The following ADGRG1 variants were observed in gnomAD, a reference collection of about 807,000 sequenced individuals.
ADGRG1 encodes 7-transmembrane protein with no EGF-like N-terminal domains-1.
In ADGRG1, 53 loss-of-function variants were observed where a neutral mutation model predicts 73.5. That is an observed-to-expected ratio of 0.72 (90% CI 0.58 to 0.91). The LOEUF is 0.91. ADGRG1 is among the 40% of genes least tolerant of loss of function. The probability of loss-of-function intolerance (pLI) is 0.00; values close to 1 mark genes in which losing one functional copy is unlikely to be tolerated. For synonymous variants in ADGRG1, 394 were observed against 374.4 expected, an observed-to-expected ratio of 1.05 and a Z score of -0.60; for missense variants, 795 against 871.8, an observed-to-expected ratio of 0.91 and a Z score of 1.11.
At chr16:57,626,946 G>A (rs1399171242), upstream of ADGRG1, 21 of 985,474 alleles carry the variant, frequency 2.1e-5, no homozygotes, top group African/African-American at 3.7e-4. Context: ...TTGGCAATAA[G>A]GGAGTTCCCA....
upstream of ADGRG1, chr16:57,624,190 C>T (rs2147014720): frequency 1.0e-6 from 1 of 983,238 alleles, no homozygotes; most frequent in Non-Finnish European, 1.2e-6. Context: ...ATATGAACTG[C>T]TCTTGTCTAA....
At chr16:57,655,761 A>G in intron 6 of ADGRG1, 115 bp from the exon 7 acceptor site, 1 of 1,610,006 alleles carries the variant, frequency 6.2e-7, no homozygotes, top group Non-Finnish European at 8.5e-7. Flanking sequence ...GAGACGCAGC[A>G]TCTCAAGGCA....
At position 57,642,527 on chromosome 16, in the gene ADGRG1, C is replaced by T. The variant is rs561698247; in HGVS notation, c.-35-7726C>T. 2.1e-5 allele frequency: 21 copies of T among 979,458 alleles called. No homozygotes were observed. The South Asian group carries it at 9.0e-4, about 42-fold the overall frequency. The allele number at this position is 979,458 out of a possible 1,614,324, so 60.7% of individuals were successfully genotyped here. Reference sequence around the variant, plus strand: ...GGTGTCCGTGCAAAAAAGGCTCTACCTTCACGTTGGGTTGGGAAACTGCCC... The same window carrying T: ...GGTGTCCGTGCAAAAAAGGCTCTACTTTCACGTTGGGTTGGGAAACTGCCC... On this transcript the variant is annotated intron_variant, in intron 1 of 13. Coordinates refer to ENST00000562631, the MANE Select transcript of ADGRG1 (RefSeq NM_201525.4).
chr16:57,647,480 T>C, intron 1 of ADGRG1: 1 of 969,448 alleles, frequency 1.0e-6, no homozygotes, highest in African/African-American at 1.8e-5. Context: ...GGCACCTGCC[T>C]CTAAGCCGTT....
chr16:57,638,274 C>A (rs12446402), intron 1 of ADGRG1, among the ~76,000 whole-genome samples: 24,347 of 152,096 alleles, frequency 0.16, 2,446 homozygotes, highest in African/African-American at 0.28. Flanking sequence ...CCTTCCCTTA[C>A]CAGCTAGGTG....
chr16:57,643,766 G>A (rs1597316735), intron 1 of ADGRG1: 1 of 984,806 alleles, frequency 1.0e-6, no homozygotes, highest in Non-Finnish European at 1.2e-6. Context: ...AGCTCTCTGT[G>A]GTCACCTAGC....
rs140681845 is a variant in ADGRG1, at chr16:57,630,973, G to T, written c.-36+2171G>T. The T allele has an allele frequency of 3.9e-3, 3,796 of 985,872 alleles. 14 individuals carry two copies. The highest frequency in any genetic ancestry group is 4.4e-3 in the Non-Finnish European group (3,643 of 830,276). 61.1% of individuals were successfully genotyped at this position (985,872 alleles called of 1,614,324 possible). The stretch of plus-strand genomic sequence containing the variant: ...CAGCAGGTCTCAATCTGCTCTGTGG[G>T]GGGGAAGAGAGGCAGGAGGACTCGC... On this transcript the variant is annotated intron_variant, in intron 1 of 13. Coordinates refer to ENST00000562631, the MANE Select transcript of ADGRG1 (RefSeq NM_201525.4).
At chr16:57,621,880 G>A (rs8049176) in intron 2 of ADGRG1, 269,955 of 983,122 alleles carry the variant, frequency 0.27, 37,713 homozygotes, top group East Asian at 0.43. Flanking sequence ...GCCAAGGCTG[G>A]GACCCCTAGT....
upstream of ADGRG1, chr16:57,622,956 C>T (rs532665874): frequency 3.3e-5 from 33 of 985,344 alleles, no homozygotes; most frequent in South Asian, 1.9e-4. Flanking sequence ...GGAGGGAGAA[C>T]GTCTGTCTGC....
At chr16:57,622,551 C>T (rs570248641) in intron 2 of ADGRG1, among the ~76,000 whole-genome samples, 49 of 152,256 alleles carry the variant, frequency 3.2e-4, no homozygotes, top group South Asian at 8.3e-4. Context: ...GACGCCCAGC[C>T]GTGCACACTG....
At chr16:57,637,219 T>C (rs1474314961) in intron 1 of ADGRG1, 1 of 646,280 alleles carries the variant, frequency 1.5e-6, no homozygotes, top group Admixed American at 6.3e-5. Context: ...ACTTACAAAA[T>C]GAGCTTCATC....
intron 13 of ADGRG1, among the ~76,000 whole-genome samples, 181 bp downstream of exon 13, chr16:57,662,146 G>A (rs1258989331): frequency 1.3e-5 from 2 of 152,222 alleles, no homozygotes; most frequent in African/African-American, 4.8e-5. Context: ...CTATGTGCAG[G>A]CCCTGTGTTA....
At chr16:57,661,134 G>T in intron 12 of ADGRG1, 2 of 278,870 alleles carry the variant, frequency 7.2e-6, no homozygotes, top group Non-Finnish European at 1.1e-5. Flanking sequence ...GCATGAATGG[G>T]GGTATGGGTT....
chr16:57,645,023 CTCA>C (rs1372159306), intron 1 of ADGRG1: 15 of 959,312 alleles, frequency 1.6e-5, no homozygotes, highest in Middle Eastern at 1.1e-3. Flanking sequence ...GGCGCACACA[CTCA>C]TCACACACTC....
chr16:57,647,208 G>A (rs1286254717), intron 1 of ADGRG1: 1 of 985,272 alleles, frequency 1.0e-6, no homozygotes, highest in African/African-American at 1.7e-5. Context: ...CTTGTCCCCA[G>A]CCCAGCTCTC....
intron 1 of ADGRG1, chr16:57,645,160 C>G: frequency 1.0e-6 from 1 of 985,488 alleles, no homozygotes; most frequent in Non-Finnish European, 1.2e-6. Context: ...GGCTCAGCAG[C>G]TCAGTGTCGT....
At chr16:57,626,607 T>C (rs1379989578), upstream of ADGRG1, 2 of 985,330 alleles carry the variant, frequency 2.0e-6, no homozygotes, top group African/African-American at 1.7e-5. Flanking sequence ...GCCTCTCCTA[T>C]GTGGCCAGAG....
At chr16:57,641,852 G>A (rs1262223622) in intron 1 of ADGRG1, 4 of 165,436 alleles carry the variant, frequency 2.4e-5, no homozygotes, top group Non-Finnish European at 2.5e-5. Flanking sequence ...GGCGTGAGTC[G>A]CCGTGCCTGG....
chr16:57,659,006 C>T lies in ADGRG1; in HGVS notation c.1287-407C>T, dbSNP rs550062528. Reference sequence around the variant, plus strand: ...CAAACCTCAGACAGACCGATGCGGGCAGCCCACACTCAGACTCACAGGTGC... The same window carrying T: ...CAAACCTCAGACAGACCGATGCGGGTAGCCCACACTCAGACTCACAGGTGC... On this transcript the variant is annotated intron_variant, in intron 10 of 13. Transcript: ENST00000562631. The T allele has an allele frequency of 4.1e-6, 4 of 985,054 alleles. No individual in the cohort carries two copies. In the African/African-American group the frequency reaches 5.2e-5, roughly 13 times the overall value. The allele number at this position is 985,054 out of a possible 1,614,324, so 61.0% of individuals were successfully genotyped here. A position where few individuals can be genotyped will look rare whatever the true frequency, so the allele number is the denominator to read the frequency against.
Sources: gnomAD v4.1 joint callset for allele counts (sites outside exome capture counted in the v4.1 genomes callset) on GRCh38, gnomAD v4.1.1 for gene constraint, MANE v1.5 for transcripts, NCBI Gene and HGNC (gene_info 2026-07-23, HGNC 2026-07-21) for gene names.